Variants in GABBR2 observed in about 807,000 individuals in gnomAD.
GABBR2 encodes gamma-aminobutyric acid type B receptor subunit 2.
GABBR2 carries 23 observed loss-of-function variants against 105.6 expected under a neutral mutation model. The observed-to-expected ratio is 0.22, with a 90% CI of 0.16 to 0.31. The LOEUF (loss-of-function observed/expected upper bound fraction) is 0.31, where lower values mean the gene tolerates loss of function less well. Among genes scored for constraint, GABBR2 ranks in the 10% least tolerant of loss-of-function variants. The pLI is 1.00. For missense variants in GABBR2, 734 were observed against 1,245.5 expected (o/e 0.59, Z 6.18); for synonymous variants, 478 against 499.7 (o/e 0.96, Z 0.58).
chr9:98,331,464 C>T (rs1315352222), intron 13 of GABBR2, among the ~76,000 whole-genome samples: 1 of 132,062 alleles, frequency 7.6e-6, no homozygotes, highest in Non-Finnish European at 1.5e-5. Flanking sequence ...ACCTCCTCTG[C>T]GTTTCCACAG....
intron 2 of GABBR2, among the ~76,000 whole-genome samples, chr9:98,568,710 G>A (rs1330089040): frequency 1.3e-5 from 2 of 152,220 alleles, no homozygotes; most frequent in Non-Finnish European, 2.9e-5. Context: ...TCCTAGGAAT[G>A]CTGTTGCCAT....
intron 8 of GABBR2, 44 bp from the exon 9 acceptor site, chr9:98,394,299 G>T: frequency 7.1e-7 from 1 of 1,401,990 alleles, no homozygotes; most frequent in Non-Finnish European, 1.0e-6. Context: ...TGGGATCTGG[G>T]TTTGTGTCTG....
chr9:98,623,370 A>T (rs943200400), intron 1 of GABBR2, among the ~76,000 whole-genome samples: 48 of 152,258 alleles, frequency 3.2e-4, no homozygotes, highest in African/African-American at 1.2e-3. Flanking sequence ...CAGAGGTTAC[A>T]GTGAGCTGAG....
At chr9:98,533,299 C>A (rs1244616206) in intron 3 of GABBR2, among the ~76,000 whole-genome samples, 1 of 152,130 alleles carries the variant, frequency 6.6e-6, no homozygotes, top group Non-Finnish European at 1.5e-5. Flanking sequence ...CTAGGAGTCA[C>A]CCTTGTTAGA....
intron 1 of GABBR2, among the ~76,000 whole-genome samples, chr9:98,593,701 G>A (rs990100458): frequency 6.6e-6 from 1 of 152,106 alleles, no homozygotes; most frequent in East Asian, 1.9e-4. Flanking sequence ...CTAGCACACG[G>A]GCCAGAGCTA....
chr9:98,496,368 C>A, intron 4 of GABBR2, 45 bp downstream of exon 4: 1 of 1,210,074 alleles, frequency 8.3e-7, no homozygotes, highest in Non-Finnish European at 1.2e-6. Flanking sequence ...GCACCCAGGG[C>A]ATTGAGATCA....
Position 98,548,975 on chromosome 9 carries a change from G to A in GABBR2, c.460-6932C>T, listed in dbSNP as rs1325065156. ...CTTTGAGATGGAGTCCTGCTCTATC[G>A]CCCAGGCTGGAGTGCAGTGGTGCAA... On this transcript the variant is annotated intron_variant, in intron 2 of 18. Transcript: ENST00000259455. Among the ~76,000 whole-genome samples, 13 of 120,930 alleles carry A rather than the reference G, an allele frequency of 1.1e-4. 4 individuals are homozygous for A. Among genetic ancestry groups the A allele is most frequent in the Non-Finnish European group, 1.9e-4 (10 of 53,814 alleles). The allele number at this position is 120,930 out of a possible 152,430, so 79.3% of individuals were successfully genotyped here.
chr9:98,357,079 A>AT (rs1831497320), intron 13 of GABBR2, among the ~76,000 whole-genome samples: 1 of 152,248 alleles, frequency 6.6e-6, no homozygotes. Context: ...ACTCTGTATG[A>AT]TATTGTAATG....
At chr9:98,694,460 G>C (rs892725399) in intron 1 of GABBR2, among the ~76,000 whole-genome samples, 2 of 152,200 alleles carry the variant, frequency 1.3e-5, no homozygotes, top group Admixed American at 6.5e-5. Flanking sequence ...TAGATTCTTC[G>C]GTAAGACAGC....
At position 98,436,400 on chromosome 9, in the gene GABBR2, T is replaced by G. The variant is rs756454394; in HGVS notation, c.1236+17581A>C. Among the ~76,000 whole-genome samples, 263 of 60,380 alleles carry G rather than the reference T, an allele frequency of 4.4e-3. 19 individuals carry two copies. The highest frequency in any genetic ancestry group is 0.018 in the African/African-American group (250 of 13,612). 39.6% of individuals were successfully genotyped at this position (60,380 alleles called of 152,430 possible). On this transcript the variant is annotated intron_variant, in intron 7 of 18. Transcript: ENST00000259455. ...ATATATATATATATATATATATATATATATATAGTATGGCGTTCTTTCTTC... is the reference window on the plus strand; with the variant it reads ...ATATATATATATATATATATATATAGATATATAGTATGGCGTTCTTTCTTC...
At chr9:98,615,070 T>C (rs1395516574) in intron 1 of GABBR2, among the ~76,000 whole-genome samples, 1 of 152,200 alleles carries the variant, frequency 6.6e-6, no homozygotes, top group Non-Finnish European at 1.5e-5. Flanking sequence ...TGAGAAGAAA[T>C]GCCCCCACTC....
intron 1 of GABBR2, among the ~76,000 whole-genome samples, chr9:98,637,775 G>A (rs558807930): frequency 1.1e-4 from 16 of 152,252 alleles, no homozygotes; most frequent in Non-Finnish European, 1.8e-4. Context: ...GCTGACACCC[G>A]GATGTTAGCC....
intron 7 of GABBR2, among the ~76,000 whole-genome samples, chr9:98,437,731 T>TATCC (rs1333389928): frequency 4.7e-5 from 7 of 149,790 alleles, no homozygotes; most frequent in African/African-American, 1.2e-4. Context: ...TCCACCCATA[T>TATCC]ATCCATCCAT....
intron 13 of GABBR2, among the ~76,000 whole-genome samples, chr9:98,313,470 T>C (rs10985839): frequency 0.13 from 19,642 of 152,198 alleles, 1,525 homozygotes; most frequent in South Asian, 0.21. Flanking sequence ...TTCATCACTC[T>C]TCTCCAACAG....
At chr9:98,473,495 T>G in intron 5 of GABBR2, 149 bp from the exon 6 acceptor site, 2 of 607,672 alleles carry the variant, frequency 3.3e-6, no homozygotes, top group South Asian at 4.0e-5. Context: ...TTGCTATTTA[T>G]CAAAGGATCC....
chr9:98,344,936 T>C (rs945658389), intron 13 of GABBR2, among the ~76,000 whole-genome samples: 1 of 152,130 alleles, frequency 6.6e-6, no homozygotes, highest in Non-Finnish European at 1.5e-5. Context: ...GGCCCTCAGG[T>C]GACTCAAACT....
chr9:98,306,400 C>T lies in GABBR2; in HGVS notation c.2005-55G>A. The T allele has an allele frequency of 3.9e-6, 5 of 1,276,128 alleles. No individual in the cohort carries two copies. The highest frequency in any genetic ancestry group is 5.6e-6 in the Non-Finnish European group (5 of 884,982). 79.1% of individuals were successfully genotyped at this position (1,276,128 alleles called of 1,614,324 possible). A position where few individuals can be genotyped will look rare whatever the true frequency, so the allele number is the denominator to read the frequency against. On this transcript the variant is annotated intron_variant, in intron 14 of 18. Coordinates refer to ENST00000259455, the MANE Select transcript of GABBR2 (RefSeq NM_005458.8). The surrounding 1 kb of genome is among the most constrained non-coding windows in gnomAD (Gnocchi z 5.4). ...GATCGTTACCAAGGGGTGGCACACACAGGCTGCTCTGAGAAGCTGTGGAGT... is the reference window on the plus strand; with the variant it reads ...GATCGTTACCAAGGGGTGGCACACATAGGCTGCTCTGAGAAGCTGTGGAGT...
chr9:98,578,191 T>C (rs1828948181), intron 1 of GABBR2, 119 bp from the exon 2 acceptor site: 1 of 1,140,154 alleles, frequency 8.8e-7, no homozygotes, highest in African/African-American at 1.5e-5. Context: ...TCTCCCATGG[T>C]GGGGAGTCTC....
chr9:98,628,788 T>A (rs1451080586), intron 1 of GABBR2, among the ~76,000 whole-genome samples: 1 of 152,154 alleles, frequency 6.6e-6, no homozygotes. Flanking sequence ...TGATGGAGTG[T>A]GTGTCCCCCT....
Sources: gnomAD v4.1 joint callset for allele counts (sites outside exome capture counted in the v4.1 genomes callset) on GRCh38, gnomAD v4.1.1 for gene constraint, Gnocchi (gnomAD v3.1) non-coding constraint, MANE v1.5 for transcripts, NCBI Gene and HGNC (gene_info 2026-07-23, HGNC 2026-07-21) for gene names.